Variants in PPP2R2B observed in about 807,000 individuals in gnomAD.
PPP2R2B encodes the protein serine/threonine-protein phosphatase 2A 55 kDa regulatory subunit B beta isoform.
PPP2R2B carries 5 observed loss-of-function variants against 46.0 expected under a neutral mutation model. The ratio of observed to expected loss-of-function variants is 0.11; its 90% CI spans 0.06 to 0.23. The LOEUF (loss-of-function observed/expected upper bound fraction) is 0.23, where lower values mean the gene tolerates loss of function less well. PPP2R2B is among the 10% of genes least tolerant of loss of function. PPP2R2B has a pLI of 1.00. For synonymous variants in PPP2R2B, 215 were observed against 206.7 expected, an observed-to-expected ratio of 1.04 and a Z score of -0.34; for missense variants, 367 against 575.0, an observed-to-expected ratio of 0.64 and a Z score of 3.70.
In PPP2R2B at chr5:146,589,290, C is replaced by T. The variant is rs1770356552; in HGVS notation, c.*657G>A. The T allele has an allele frequency of 6.6e-6, 1 of 152,298 alleles. No homozygotes were observed. Among genetic ancestry groups the T allele is most frequent in the African/African-American group, 2.4e-5 (1 of 41,438 alleles). 9.4% of individuals were successfully genotyped at this position (152,298 alleles called of 1,614,324 possible). A position where few individuals can be genotyped will look rare whatever the true frequency, so the allele number is the denominator to read the frequency against. On this transcript the variant is annotated 3_prime_UTR_variant, in exon 10 of 10. Coordinates refer to ENST00000394411, the MANE Select transcript of PPP2R2B (RefSeq NM_181675.4). ...CCCCTGAAGCATTCAAGTTCCCTAGCCAAATTCTCAGGCTGTTTCTATGGA... is the reference window on the plus strand; with the variant it reads ...CCCCTGAAGCATTCAAGTTCCCTAGTCAAATTCTCAGGCTGTTTCTATGGA...
At chr5:146,759,735 A>G (rs1754043894) in intron 2 of PPP2R2B, among the ~76,000 whole-genome samples, 1 of 150,822 alleles carries the variant, frequency 6.6e-6, no homozygotes, top group Non-Finnish European at 1.5e-5. Context: ...GGTGGGTCTG[A>G]CTGGCAAATC....
At chr5:146,692,596 C>A (rs1245973858) in intron 4 of PPP2R2B, among the ~76,000 whole-genome samples, 1 of 145,186 alleles carries the variant, frequency 6.9e-6, no homozygotes, top group Non-Finnish European at 1.5e-5. Flanking sequence ...CGCAGTGGCA[C>A]AATCTCAGCT....
chr5:146,729,166 T>A (rs148868213), intron 2 of PPP2R2B, among the ~76,000 whole-genome samples: 8,002 of 152,266 alleles, frequency 0.053, 375 homozygotes, highest in African/African-American at 0.13. Context: ...AATGAGGAAC[T>A]TGTTGGGAAC....
chr5:146,936,651 T>A (rs1764152446), intron 1 of PPP2R2B, among the ~76,000 whole-genome samples: 1 of 147,696 alleles, frequency 6.8e-6, no homozygotes. Context: ...CACAAAGCAC[T>A]AAAGCTCTCT....
intron 7 of PPP2R2B, among the ~76,000 whole-genome samples, chr5:146,637,213 A>G (rs114008868): frequency 0.06 from 9,125 of 152,340 alleles, 293 homozygotes; most frequent in Non-Finnish European, 0.079. Flanking sequence ...TTGTAGATAC[A>G]AGAATATCAT....
intron 2 of PPP2R2B, among the ~76,000 whole-genome samples, chr5:146,815,188 G>T (rs1757857739): frequency 6.6e-6 from 1 of 152,182 alleles, no homozygotes; most frequent in African/African-American, 2.4e-5. Context: ...CTTCCAGCAA[G>T]GTCCATTCTC....
At chr5:147,002,796 G>A (rs1754241018) in intron 1 of PPP2R2B, among the ~76,000 whole-genome samples, 2 of 152,058 alleles carry the variant, frequency 1.3e-5, no homozygotes, top group South Asian at 4.2e-4. Flanking sequence ...CAACTCTTCT[G>A]ATCAGCAGGG....
chr5:147,075,871 A>C (rs1757749867), intron 2 of PPP2R2B, among the ~76,000 whole-genome samples: 1 of 152,164 alleles, frequency 6.6e-6, no homozygotes, highest in Admixed American at 6.6e-5. Context: ...ATTTTTGAGA[A>C]TGTGTCCCAG....
chr5:146,915,913 A>C (rs2151810095), intron 1 of PPP2R2B, among the ~76,000 whole-genome samples: 1 of 152,310 alleles, frequency 6.6e-6, no homozygotes, highest in African/African-American at 2.4e-5. Flanking sequence ...TCTTTTAAGA[A>C]AACTTACTGC....
intron 2 of PPP2R2B, among the ~76,000 whole-genome samples, chr5:146,784,117 A>G (rs1383606291): frequency 6.6e-6 from 1 of 152,212 alleles, no homozygotes; most frequent in Non-Finnish European, 1.5e-5. Flanking sequence ...TCTCTCTTTA[A>G]TTGTGAATAA....
At chr5:146,888,085 A>G (rs1762385853) in intron 1 of PPP2R2B, among the ~76,000 whole-genome samples, 1 of 152,036 alleles carries the variant, frequency 6.6e-6, no homozygotes, top group Non-Finnish European at 1.5e-5. Context: ...TACACTCCTC[A>G]GGCTCACTTG....
At chr5:146,663,569 T>C (rs966188224) in intron 5 of PPP2R2B, among the ~76,000 whole-genome samples, 3 of 152,196 alleles carry the variant, frequency 2.0e-5, no homozygotes, top group African/African-American at 7.2e-5. Flanking sequence ...TGGACAAATT[T>C]TTTTGGTTTC....
At chr5:146,978,965 A>C (rs1753039730) in intron 1 of PPP2R2B, among the ~76,000 whole-genome samples, 1 of 152,188 alleles carries the variant, frequency 6.6e-6, no homozygotes, top group Admixed American at 6.5e-5. Context: ...TTAAAATGTT[A>C]GTTCATGCAT....
At chr5:146,879,044 T>A (rs1490371543), upstream of PPP2R2B, 7 of 518,748 alleles carry the variant, frequency 1.3e-5, no homozygotes, top group Non-Finnish European at 1.8e-5. Flanking sequence ...TCCCTGCCTT[T>A]CTCCGGACGC....
intron 7 of PPP2R2B, 67 bp from the exon 8 acceptor site, chr5:146,600,527 C>A (rs969674016): frequency 7.3e-6 from 11 of 1,514,786 alleles, no homozygotes; most frequent in Admixed American, 7.2e-5. Context: ...CATGTTTGGA[C>A]TGGCTAGGAA....
chr5:146,800,044 A>C (rs1316549949), intron 2 of PPP2R2B, among the ~76,000 whole-genome samples: 1 of 152,168 alleles, frequency 6.6e-6, no homozygotes, highest in Non-Finnish European at 1.5e-5. Flanking sequence ...CTGAAAAAAA[A>C]CCTAAGACGA....
intron 1 of PPP2R2B, among the ~76,000 whole-genome samples, chr5:146,885,619 A>G (rs983209595): frequency 4.6e-5 from 7 of 152,246 alleles, no homozygotes; most frequent in African/African-American, 1.7e-4. Flanking sequence ...ACTTCTATGT[A>G]TATATTGAAG....
At chr5:146,747,355 C>T (rs1368249149) in intron 2 of PPP2R2B, among the ~76,000 whole-genome samples, 1 of 152,078 alleles carries the variant, frequency 6.6e-6, no homozygotes, top group Admixed American at 6.5e-5. Flanking sequence ...TGGAAGAGGC[C>T]AAAATGAACT....
intron 5 of PPP2R2B, among the ~76,000 whole-genome samples, chr5:146,668,221 C>T (rs530969971): frequency 1.3e-5 from 2 of 152,238 alleles, no homozygotes; most frequent in South Asian, 4.2e-4. Flanking sequence ...CAACCTGTCA[C>T]TATTTTGACA....
Sources: allele counts gnomAD v4.1 joint callset (sites outside exome capture counted in the v4.1 genomes callset), GRCh38; gene constraint gnomAD v4.1.1; transcripts MANE v1.5; gene names NCBI Gene and HGNC (gene_info 2026-07-23, HGNC 2026-07-21).